The following ABCA13 variants were observed in gnomAD, a reference collection of about 807,000 sequenced individuals.
ABCA13 encodes the protein ATP-binding cassette sub-family A member 13.
A neutral mutation model predicts 478.7 loss-of-function variants in ABCA13; 476 were observed. The ratio of observed to expected loss-of-function variants is 0.99; its 90% CI spans 0.92 to 1.07. ABCA13 has a LOEUF of 1.07. Ranked by LOEUF, ABCA13 falls within the 50% of genes least tolerant of loss-of-function variation. The probability of loss-of-function intolerance (pLI) is 0.00; values close to 1 mark genes in which losing one functional copy is unlikely to be tolerated. For missense variants in ABCA13, 6,060 were observed against 5,910.6 expected (o/e 1.03, Z -0.83); for synonymous variants, 2,252 against 2,158.9 (o/e 1.04, Z -1.20).
intron 58 of ABCA13, among the ~76,000 whole-genome samples, chr7:48,596,667 G>A (rs566954791): frequency 5.3e-5 from 8 of 151,924 alleles, no homozygotes; most frequent in South Asian, 2.1e-4. Context: ...GCGTGGTGGC[G>A]GGCGCCTGTA....
chr7:48,201,000 G>T (rs1660368276), intron 3 of ABCA13, among the ~76,000 whole-genome samples: 1 of 150,184 alleles, frequency 6.7e-6, no homozygotes, highest in Admixed American at 6.7e-5. Context: ...GAGAATAAGA[G>T]TTCAAAGGCG....
At chr7:48,218,016 T>A (rs889937782) in intron 3 of ABCA13, among the ~76,000 whole-genome samples, 4 of 152,228 alleles carry the variant, frequency 2.6e-5, no homozygotes, top group Non-Finnish European at 5.9e-5. Context: ...CTCTCACACA[T>A]ACACACAAAT....
At chr7:48,314,487 T>G in intron 26 of ABCA13, 78 bp downstream of exon 26, 1 of 1,303,968 alleles carries the variant, frequency 7.7e-7, no homozygotes, top group Non-Finnish European at 1.0e-6. Context: ...ATAGTAAGTA[T>G]TCTGTCTGTG....
At chr7:48,436,444 C>G (rs1020682587) in intron 42 of ABCA13, among the ~76,000 whole-genome samples, 2 of 151,570 alleles carry the variant, frequency 1.3e-5, no homozygotes, top group African/African-American at 4.8e-5. Context: ...TTTATCTATT[C>G]CGTTTATCTT....
At chr7:48,536,123 C>T (rs781651963) in intron 55 of ABCA13, among the ~76,000 whole-genome samples, 1 of 152,206 alleles carries the variant, frequency 6.6e-6, no homozygotes, top group Non-Finnish European at 1.5e-5. Flanking sequence ...GCAGGAGCTG[C>T]AGGCTAGTCC....
intron 50 of ABCA13, among the ~76,000 whole-genome samples, chr7:48,508,414 C>G (rs1831401154): frequency 6.6e-6 from 1 of 151,878 alleles, no homozygotes; most frequent in South Asian, 2.1e-4. Flanking sequence ...TGCTTAACAC[C>G]CCCTCCTGTG....
chr7:48,518,077 A>C (rs1780908887), intron 52 of ABCA13, among the ~76,000 whole-genome samples: 1 of 152,214 alleles, frequency 6.6e-6, no homozygotes, highest in Admixed American at 6.5e-5. Context: ...AGTGATGGTA[A>C]TAATCTATTT....
At chr7:48,301,003 A>ATTGAGAGAG (rs1800070705) in intron 23 of ABCA13, among the ~76,000 whole-genome samples, 1 of 152,200 alleles carries the variant, frequency 6.6e-6, no homozygotes, top group African/African-American at 2.4e-5. Context: ...AAGTGTCAGG[A>ATTGAGAGAG]CCCAAATAGA....
intron 55 of ABCA13, among the ~76,000 whole-genome samples, chr7:48,530,330 A>C (rs969808582): frequency 6.6e-6 from 1 of 151,752 alleles, no homozygotes; most frequent in African/African-American, 2.4e-5. Flanking sequence ...ATATATACAC[A>C]TATACATATA....
chr7:48,224,426 T>C (rs1288218637), intron 5 of ABCA13, among the ~76,000 whole-genome samples: 4 of 152,172 alleles, frequency 2.6e-5, no homozygotes, highest in Non-Finnish European at 4.4e-5. Flanking sequence ...CCTTTGTTCC[T>C]GAGAGGCTTT....
chr7:48,370,354 T>A (rs1016013030), intron 32 of ABCA13, among the ~76,000 whole-genome samples: 1 of 152,146 alleles, frequency 6.6e-6, no homozygotes, highest in African/African-American at 2.4e-5. Context: ...ACAGTTTGAT[T>A]TCCTCTTTAC....
chr7:48,357,574 A>G (rs943992175), intron 31 of ABCA13, among the ~76,000 whole-genome samples: 1 of 151,904 alleles, frequency 6.6e-6, no homozygotes, highest in African/African-American at 2.4e-5. Flanking sequence ...CGTTTCTCCA[A>G]TTTGTCTATG....
chr7:48,301,450 C>A (rs1800145539), intron 23 of ABCA13, among the ~76,000 whole-genome samples: 1 of 151,652 alleles, frequency 6.6e-6, no homozygotes, highest in African/African-American at 2.4e-5. Context: ...AGTTTGTTTC[C>A]TGGAAAGCTC....
chr7:48,296,527 T>G (rs1261692618), intron 21 of ABCA13, among the ~76,000 whole-genome samples: 1 of 151,606 alleles, frequency 6.6e-6, no homozygotes, highest in East Asian at 1.9e-4. Context: ...TGGCGCGATC[T>G]CGGCTCACTG....
chr7:48,238,030 A>G (rs1245502240), intron 8 of ABCA13, among the ~76,000 whole-genome samples: 2 of 152,270 alleles, frequency 1.3e-5, no homozygotes, highest in African/African-American at 2.4e-5. Flanking sequence ...AAAGGAACCT[A>G]AAAGTGAACA....
intron 44 of ABCA13, among the ~76,000 whole-genome samples, chr7:48,469,374 T>G (rs1490027701): frequency 6.6e-6 from 1 of 152,122 alleles, no homozygotes; most frequent in Non-Finnish European, 1.5e-5. Context: ...GTAGAGAATG[T>G]GCATACCAGG....
chr7:48,505,828 A>C (rs563810479), intron 48 of ABCA13, among the ~76,000 whole-genome samples: 1 of 152,330 alleles, frequency 6.6e-6, no homozygotes, highest in East Asian at 1.9e-4. Flanking sequence ...CTGGCATCAC[A>C]CACATGCGCA....
intron 29 of ABCA13, among the ~76,000 whole-genome samples, chr7:48,343,601 T>A (rs868497282): frequency 5.3e-5 from 8 of 151,752 alleles, no homozygotes; most frequent in African/African-American, 1.9e-4. Context: ...CTTTTTTTTT[T>A]AATTTCAATA....
At chr7:48,357,044 G>T (rs774501698) in intron 31 of ABCA13, among the ~76,000 whole-genome samples, 87 of 151,830 alleles carry the variant, frequency 5.7e-4, no homozygotes, top group Non-Finnish European at 2.6e-4. Flanking sequence ...AGGAGAAATG[G>T]AGCGTGCTGG....
Sources: allele counts gnomAD v4.1 joint callset (sites outside exome capture counted in the v4.1 genomes callset), GRCh38; gene constraint gnomAD v4.1.1; transcripts MANE v1.5; gene names NCBI Gene and HGNC (gene_info 2026-07-23, HGNC 2026-07-21).